The following PLEKHA5 variants were observed in gnomAD, a reference collection of about 807,000 sequenced individuals.
PLEKHA5 encodes pleckstrin homology domain-containing family A member 5.
PLEKHA5 carries 55 observed loss-of-function variants against 181.9 expected under a neutral mutation model. That is an observed-to-expected ratio of 0.30 (90% CI 0.24 to 0.38). The LOEUF (loss-of-function observed/expected upper bound fraction) is 0.38. Among genes scored for constraint, PLEKHA5 ranks in the 10% least tolerant of loss-of-function variants. The pLI, the probability that PLEKHA5 is intolerant of heterozygous loss-of-function variation, is 1.00. For synonymous variants in PLEKHA5, 535 were observed against 529.4 expected, an observed-to-expected ratio of 1.01 and a Z score of -0.15; for missense variants, 1,432 against 1,549.5, an observed-to-expected ratio of 0.92 and a Z score of 1.27.
At chr12:19,305,685 C>G (rs1169228004) in intron 15 of PLEKHA5, among the ~76,000 whole-genome samples, 1 of 151,718 alleles carries the variant, frequency 6.6e-6, no homozygotes, top group Non-Finnish European at 1.5e-5. Flanking sequence ...GTGGAGAAAC[C>G]CCGTCTCTAC....
At chr12:19,261,310 T>C (rs1199706762) in intron 7 of PLEKHA5, among the ~76,000 whole-genome samples, 2 of 152,174 alleles carry the variant, frequency 1.3e-5, no homozygotes, top group African/African-American at 4.8e-5. Context: ...ATCCTTAGTT[T>C]GAGGAGGTTC....
chr12:19,255,884 G>GAAA (rs60570882), intron 5 of PLEKHA5, among the ~76,000 whole-genome samples: 31 of 91,908 alleles, frequency 3.4e-4, no homozygotes, highest in African/African-American at 9.7e-4. Context: ...TGGAAGATTT[G>GAAA]AAAAAAAAAA....
At chr12:19,205,659 T>C (rs191658864) in intron 3 of PLEKHA5, among the ~76,000 whole-genome samples, 85 of 152,250 alleles carry the variant, frequency 5.6e-4, no homozygotes, top group African/African-American at 2.0e-3. Context: ...AGTTCATAAA[T>C]TGCTATGATG....
intron 3 of PLEKHA5, among the ~76,000 whole-genome samples, chr12:19,251,927 A>T (rs2152528613): frequency 6.6e-6 from 1 of 152,254 alleles, no homozygotes; most frequent in East Asian, 1.9e-4. Context: ...TTGTGCCAAG[A>T]CAATGGTCAG....
At chr12:19,234,291 A>T (rs2061072323) in intron 3 of PLEKHA5, among the ~76,000 whole-genome samples, 1 of 152,178 alleles carries the variant, frequency 6.6e-6, no homozygotes, top group Non-Finnish European at 1.5e-5. Flanking sequence ...AGGTTGTGTT[A>T]TAATGATCTG....
intron 15 of PLEKHA5, among the ~76,000 whole-genome samples, chr12:19,308,453 C>CTGA (rs1444616816): frequency 6.6e-6 from 1 of 152,152 alleles, no homozygotes. Context: ...ATGGTGAAAT[C>CTGA]TGATGGTGTA....
At chr12:19,348,372 A>T (rs1234329660) in intron 24 of PLEKHA5, 27 bp from the exon 25 acceptor site, 4 of 1,540,022 alleles carry the variant, frequency 2.6e-6, no homozygotes, top group Non-Finnish European at 3.5e-6. Context: ...GCAGTTTTTT[A>T]GGGTAATTAC....
Position 19,359,464 on chromosome 12 carries a change from T to G in PLEKHA5, c.3401T>G (p.Val1134Gly). The change falls in exon 28 of 32, where the codon GTA (valine) becomes GGA (glycine). Residue 1134 changes from valine (V) to glycine (G), a missense_variant. Physicochemically the swap from Val to Gly is moderately radical, Grantham distance 109. Around this residue, in one of 2 missense-constraint regions of PLEKHA5, gnomAD observed 1,143 missense variants for 1,168.4 expected, o/e 0.98. Transcript: ENST00000429027. ...GACACTGCCATTAGAGAAAATGATG[T>G]AAAGCCAGACCATGAAACTCCTGCA... Reference protein sequence around the residue: ...ELDTAIRENDVKPDHETPATE... With the variant: ...ELDTAIRENDGKPDHETPATE... The G allele has an allele frequency of 1.2e-6, 2 of 1,613,616 alleles. No individual in the cohort carries two copies. Among genetic ancestry groups the G allele is most frequent in the Non-Finnish European group, 1.7e-6 (2 of 1,179,606 alleles).
intron 31 of PLEKHA5, 61 bp downstream of exon 31, chr12:19,369,859 G>A (rs1228938883): frequency 1.0e-6 from 1 of 988,048 alleles, no homozygotes; most frequent in South Asian, 1.5e-5. Flanking sequence ...TGACTTATCT[G>A]TTGGTTTAGT....
intron 10 of PLEKHA5, among the ~76,000 whole-genome samples, chr12:19,272,905 T>C (rs1011888800): frequency 1.3e-5 from 2 of 152,150 alleles, no homozygotes; most frequent in African/African-American, 4.8e-5. Flanking sequence ...GTTCTATGCC[T>C]TCTTTGTTGT....
intron 21 of PLEKHA5, among the ~76,000 whole-genome samples, chr12:19,342,792 T>TA (rs2094042262): frequency 6.6e-6 from 1 of 151,918 alleles, no homozygotes; most frequent in Non-Finnish European, 1.5e-5. Context: ...AAAATAAAAA[T>TA]AAAAAAATAC....
At chr12:19,247,404 G>A (rs779959975) in intron 3 of PLEKHA5, among the ~76,000 whole-genome samples, 5 of 152,082 alleles carry the variant, frequency 3.3e-5, no homozygotes, top group Non-Finnish European at 7.3e-5. Flanking sequence ...AGTTACCTAC[G>A]TAATTCATTA....
At chr12:19,290,858 C>T (rs2152842934) in intron 14 of PLEKHA5, 62 bp downstream of exon 14, 1 of 1,427,664 alleles carries the variant, frequency 7.0e-7, no homozygotes, top group Non-Finnish European at 9.4e-7. Context: ...AAACACTCAT[C>T]AGTCAATATG....
At chr12:19,161,362 CAT>C (rs1396817755) in intron 3 of PLEKHA5, among the ~76,000 whole-genome samples, 1 of 152,122 alleles carries the variant, frequency 6.6e-6, no homozygotes, top group Non-Finnish European at 1.5e-5. Context: ...CAGTGAATGT[CAT>C]AAAACTTCTA....
intron 3 of PLEKHA5, among the ~76,000 whole-genome samples, chr12:19,143,106 A>G (rs996452132): frequency 1.3e-5 from 2 of 152,178 alleles, no homozygotes; most frequent in Admixed American, 6.5e-5. Flanking sequence ...AGATGTTCCT[A>G]TGAGGTGGCA....
At chr12:19,278,963 A>G (rs1407016475) in intron 11 of PLEKHA5, among the ~76,000 whole-genome samples, 1 of 152,178 alleles carries the variant, frequency 6.6e-6, no homozygotes, top group Non-Finnish European at 1.5e-5. Flanking sequence ...GTTTAGGAGA[A>G]ACGGTTGAAA....
At chr12:19,219,150 A>G (rs2058536671) in intron 3 of PLEKHA5, among the ~76,000 whole-genome samples, 1 of 152,086 alleles carries the variant, frequency 6.6e-6, no homozygotes, top group East Asian at 1.9e-4. Context: ...ATCTGCATAT[A>G]CTAAGGGCTG....
chr12:19,200,118 T>C (rs1048606147), intron 3 of PLEKHA5, among the ~76,000 whole-genome samples: 4 of 151,994 alleles, frequency 2.6e-5, no homozygotes, highest in African/African-American at 9.7e-5. Context: ...TCTGAATAAA[T>C]AGCTAGAAGA....
chr12:19,143,062 A>G (rs12426642), intron 3 of PLEKHA5, among the ~76,000 whole-genome samples: 13,827 of 152,098 alleles, frequency 0.091, 774 homozygotes, highest in Admixed American at 0.18. Context: ...TATTTTGGCT[A>G]TTGTCAGTAA....
Sources: gnomAD v4.1 joint callset for allele counts (sites outside exome capture counted in the v4.1 genomes callset) on GRCh38, gnomAD v4.1.1 for gene constraint, gnomAD v4.1.1 regional missense constraint, MANE v1.5 for transcripts, NCBI Gene and HGNC (gene_info 2026-07-23, HGNC 2026-07-21) for gene names.